The following KCNQ1OT1 variants were observed in gnomAD, a reference collection of about 807,000 sequenced individuals.
KCNQ1OT1 encodes KCNQ1 antisense RNA 2 (non-protein coding).
Position 2,627,515 on chromosome 11 carries a change from T to C in KCNQ1OT1, n.72480A>G. 1 of 398,562 alleles carries C rather than the reference T, an allele frequency of 2.5e-6. No individual in the cohort carries two copies. The highest frequency in any genetic ancestry group is 4.4e-6 in the Non-Finnish European group (1 of 226,046). 24.7% of individuals were successfully genotyped at this position (398,562 alleles called of 1,614,324 possible). On this transcript the variant is annotated non_coding_transcript_exon_variant, in exon 1 of 1. Coordinates refer to ENST00000597346, the Ensembl canonical transcript of KCNQ1OT1. The surrounding 1 kb of genome is among the most constrained non-coding windows in gnomAD (Gnocchi z 4.9). ...ACTCTCCGTTTCTCTGAGTTCAAGC[T>C]TTTTAGAATTCCATATGTAACTGGG...
rs1850440600 is a variant in KCNQ1OT1, at chr11:2,683,888, T to C, written n.16107A>G. The C allele has an allele frequency of 5.0e-6, 2 of 397,802 alleles. No homozygotes were observed. The highest frequency in any genetic ancestry group is 8.8e-6 in the Non-Finnish European group (2 of 226,012). The allele number at this position is 397,802 out of a possible 1,614,324, so 24.6% of individuals were successfully genotyped here. A position where few individuals can be genotyped will look rare whatever the true frequency, so the allele number is the denominator to read the frequency against. On this transcript the variant is annotated non_coding_transcript_exon_variant, in exon 1 of 1. Coordinates refer to ENST00000597346, the Ensembl canonical transcript of KCNQ1OT1. The surrounding 1 kb of genome is among the most constrained non-coding windows in gnomAD (Gnocchi z 4.7). ...CTACATCTCTCTTCCAAATCATAAA[T>C]GCAAAAGATGGCCAAAGGTGCATGC...
Position 2,687,675 on chromosome 11 carries a change from G to T in KCNQ1OT1, n.12320C>A, listed in dbSNP as rs1247308499. 1 of 398,576 alleles carries T rather than the reference G, an allele frequency of 2.5e-6. No homozygotes were observed. The highest frequency in any genetic ancestry group is 4.4e-5 in the Admixed American group (1 of 22,726). The allele number at this position is 398,576 out of a possible 1,614,324, so 24.7% of individuals were successfully genotyped here. A position where few individuals can be genotyped will look rare whatever the true frequency, so the allele number is the denominator to read the frequency against. On this transcript the variant is annotated non_coding_transcript_exon_variant, in exon 1 of 1. Transcript: ENST00000597346. This position sits in a 1 kb window ranked among gnomAD's most constrained non-coding sequence, Gnocchi z 5.0. ...CCTGTCCTTGCCAGCCAGGTCTCAG[G>T]GAGCTCAGGGTTCAGTGTTGGAATG...
chr11:2,630,346 AT>A, exon 1 of KCNQ1OT1: 2 of 398,240 alleles, frequency 5.0e-6, no homozygotes, highest in East Asian at 7.1e-5. Context: ...ATGTATAGTC[AT>A]AAAAAAATAT....
At position 2,678,749 on chromosome 11, in the gene KCNQ1OT1, G is replaced by C; in HGVS notation, n.21246C>G. On this transcript the variant is annotated non_coding_transcript_exon_variant, in exon 1 of 1. Coordinates refer to ENST00000597346, the Ensembl canonical transcript of KCNQ1OT1. The surrounding 1 kb of genome is among the most constrained non-coding windows in gnomAD (Gnocchi z 4.9). ...AGCTCTTGAGTTAGACAGGAAGCTG[G>C]GGTGTTTGGGACTGAGGCTTCATCG... The C allele has an allele frequency of 7.5e-6, 3 of 398,548 alleles. No individual in the cohort carries two copies. In the East Asian group the frequency reaches 1.1e-4, roughly 14 times the overall value. 24.7% of individuals were successfully genotyped at this position (398,548 alleles called of 1,614,324 possible).
At chr11:2,685,751 A>G (rs1331425180) in exon 1 of KCNQ1OT1, 2 of 398,592 alleles carry the variant, frequency 5.0e-6, no homozygotes, top group Non-Finnish European at 8.8e-6. Flanking sequence ...GCCAGCAGGC[A>G]GGCATCCTCC....
chr11:2,648,041 C>T (rs1849693254), exon 1 of KCNQ1OT1: 1 of 393,130 alleles, frequency 2.5e-6, no homozygotes, highest in East Asian at 3.6e-5. Context: ...TGGCAAACCC[C>T]CATCTCTACC....
rs1057295169 is a variant in KCNQ1OT1, at chr11:2,660,057, T to C, written n.39938A>G. On this transcript the variant is annotated non_coding_transcript_exon_variant, in exon 1 of 1. Transcript: ENST00000597346. ...CTTTTAATTTTGATAAAGTCCAATTTGTTGATTCTTTTTCTCTTACGAGTT... is the reference window on the plus strand; with the variant it reads ...CTTTTAATTTTGATAAAGTCCAATTCGTTGATTCTTTTTCTCTTACGAGTT... The C allele has an allele frequency of 6.8e-5, 27 of 398,480 alleles. No individual in the cohort carries two copies. In the South Asian group the frequency reaches 1.5e-3, roughly 23 times the overall value. The allele number at this position is 398,480 out of a possible 1,614,324, so 24.7% of individuals were successfully genotyped here. A position where few individuals can be genotyped will look rare whatever the true frequency, so the allele number is the denominator to read the frequency against.
Position 2,658,336 on chromosome 11 carries a change from ATTTAAT to A in KCNQ1OT1, n.41653_41658del. On this transcript the variant is annotated non_coding_transcript_exon_variant, in exon 1 of 1. Transcript: ENST00000597346. The surrounding 1 kb of genome is among the most constrained non-coding windows in gnomAD (Gnocchi z 4.9). ...ATTTGTCCCTCTCCTCCAATTGTTTATTTAATTTTATCAGTGTGGATTTGGGAGTAT... is the reference window on the plus strand; with the variant it reads ...ATTTGTCCCTCTCCTCCAATTGTTTATTTATCAGTGTGGATTTGGGAGTAT... The A allele has an allele frequency of 2.5e-6, 1 of 398,428 alleles. No individual in the cohort carries two copies. Among genetic ancestry groups the A allele is most frequent in the Non-Finnish European group, 4.4e-6 (1 of 226,000 alleles). 24.7% of individuals were successfully genotyped at this position (398,428 alleles called of 1,614,324 possible).
At chr11:2,616,449 GTTC>G (rs1280095975) in exon 1 of KCNQ1OT1, 1 of 396,838 alleles carries the variant, frequency 2.5e-6, no homozygotes, top group African/African-American at 2.1e-5. Flanking sequence ...GGTTTACTTC[GTTC>G]TTCTTTCTCT....
rs1849904446 is a variant in KCNQ1OT1, at chr11:2,659,110, A to T, written n.40885T>A. The T allele has an allele frequency of 5.0e-6, 2 of 398,526 alleles. No individual in the cohort carries two copies. The highest frequency in any genetic ancestry group is 7.1e-5 in the East Asian group (2 of 28,060). 24.7% of individuals were successfully genotyped at this position (398,526 alleles called of 1,614,324 possible). The stretch of plus-strand genomic sequence containing the variant: ...GTAGGGTCCTCCAACATCCGGGTTA[A>T]TTTTTTAAATTTGCATACAGTAAAA... On this transcript the variant is annotated non_coding_transcript_exon_variant, in exon 1 of 1. Coordinates refer to ENST00000597346, the Ensembl canonical transcript of KCNQ1OT1. This position sits in a 1 kb window ranked among gnomAD's most constrained non-coding sequence, Gnocchi z 4.3.
At chr11:2,684,036 C>T in exon 1 of KCNQ1OT1, 2 of 398,478 alleles carry the variant, frequency 5.0e-6, no homozygotes, top group Admixed American at 4.4e-5. Flanking sequence ...TAACTTCATC[C>T]TCCCCCTTTA....
chr11:2,633,603 A>G (rs1564839842), exon 1 of KCNQ1OT1: 2 of 398,454 alleles, frequency 5.0e-6, no homozygotes, highest in Non-Finnish European at 8.8e-6. Context: ...TTTTCCCAAC[A>G]TGATGTGTTC....
At chr11:2,633,538 T>A (rs943880045) in exon 1 of KCNQ1OT1, 1 of 398,438 alleles carries the variant, frequency 2.5e-6, no homozygotes, top group African/African-American at 2.1e-5. Flanking sequence ...TTTGAGTTGA[T>A]TTTTTTATAT....
exon 1 of KCNQ1OT1, chr11:2,694,397 A>G (rs952299637): frequency 2.5e-6 from 1 of 398,548 alleles, no homozygotes; most frequent in Non-Finnish European, 4.4e-6. Flanking sequence ...GAGAATTACT[A>G]ATATCAACTA....
exon 1 of KCNQ1OT1, chr11:2,634,135 A>AT (rs35461041): frequency 0.3 from 107,029 of 355,620 alleles, 2,473 homozygotes; most frequent in Middle Eastern, 0.32. Flanking sequence ...TGTCTTTGGT[A>AT]TTTTTTTTTT....
In KCNQ1OT1 at chr11:2,654,268, C is replaced by T. The variant is rs1849802393; in HGVS notation, n.45727G>A. 2.5e-6 allele frequency: 1 copy of T among 398,590 alleles called. No homozygotes were observed. The highest frequency in any genetic ancestry group is 4.4e-6 in the Non-Finnish European group (1 of 226,220). 24.7% of individuals were successfully genotyped at this position (398,590 alleles called of 1,614,324 possible). Reference sequence around the variant, plus strand: ...GGCTTCTCCTTCACAGTGCAGGATCCGCAGGGCTTTGGTGAATCCACTGAG... The same window carrying T: ...GGCTTCTCCTTCACAGTGCAGGATCTGCAGGGCTTTGGTGAATCCACTGAG... On this transcript the variant is annotated non_coding_transcript_exon_variant, in exon 1 of 1. Transcript: ENST00000597346. This position sits in a 1 kb window ranked among gnomAD's most constrained non-coding sequence, Gnocchi z 6.4.
At position 2,657,433 on chromosome 11, in the gene KCNQ1OT1, A is replaced by G. The variant is rs916645765; in HGVS notation, n.42562T>C. 45 of 398,452 alleles carry G rather than the reference A, an allele frequency of 1.1e-4. No individual in the cohort carries two copies. Among genetic ancestry groups the G allele is most frequent in the Non-Finnish European group, 1.9e-4 (42 of 226,052 alleles). The allele number at this position is 398,452 out of a possible 1,614,324, so 24.7% of individuals were successfully genotyped here. ...AGAGTTCTTGCATATACTTAGTTAG[A>G]TAATTAATATTCTTTTGTGCTATTG... On this transcript the variant is annotated non_coding_transcript_exon_variant, in exon 1 of 1. Coordinates refer to ENST00000597346, the Ensembl canonical transcript of KCNQ1OT1. This position sits in a 1 kb window ranked among gnomAD's most constrained non-coding sequence, Gnocchi z 4.8.
rs190866810 is a variant in KCNQ1OT1 at position 2,678,342 on chromosome 11, G to T, written n.21653C>A. ...TTTCATTTTTTACATTTAAATCCTTGCTTTATCGGGATTTTGACAGAGTAA... is the reference window on the plus strand; with the variant it reads ...TTTCATTTTTTACATTTAAATCCTTTCTTTATCGGGATTTTGACAGAGTAA... On this transcript the variant is annotated non_coding_transcript_exon_variant, in exon 1 of 1. Transcript: ENST00000597346. The surrounding 1 kb of genome is among the most constrained non-coding windows in gnomAD (Gnocchi z 4.9). 3 of 398,194 alleles carry T rather than the reference G, an allele frequency of 7.5e-6. No homozygotes were observed. The highest frequency in any genetic ancestry group is 1.3e-5 in the Non-Finnish European group (3 of 225,960). The allele number at this position is 398,194 out of a possible 1,614,324, so 24.7% of individuals were successfully genotyped here. A position where few individuals can be genotyped will look rare whatever the true frequency, so the allele number is the denominator to read the frequency against.
rs1850301455 is a variant in KCNQ1OT1 at position 2,676,721 on chromosome 11, A to T, written n.23274T>A. 1 of 398,562 alleles carries T rather than the reference A, an allele frequency of 2.5e-6. No individual in the cohort carries two copies. Among genetic ancestry groups the T allele is most frequent in the African/African-American group, 2.1e-5 (1 of 48,638 alleles). The allele number at this position is 398,562 out of a possible 1,614,324, so 24.7% of individuals were successfully genotyped here. ...GCCTGGCAGGAGATAACCAAGTCATATGCATAGTGGCTTTGGGTACGATGG... is the reference window on the plus strand; with the variant it reads ...GCCTGGCAGGAGATAACCAAGTCATTTGCATAGTGGCTTTGGGTACGATGG... On this transcript the variant is annotated non_coding_transcript_exon_variant, in exon 1 of 1. Coordinates refer to ENST00000597346, the Ensembl canonical transcript of KCNQ1OT1. The surrounding 1 kb of genome is among the most constrained non-coding windows in gnomAD (Gnocchi z 4.2).
Sources: allele counts gnomAD v4.1 joint callset, GRCh38; gene constraint gnomAD v4.1.1; non-coding constraint Gnocchi (gnomAD v3.1); transcripts MANE v1.5; gene names NCBI Gene and HGNC (gene_info 2026-07-23, HGNC 2026-07-21).